The following MKLN1 variants were observed in gnomAD, a reference collection of about 807,000 sequenced individuals.
MKLN1 encodes muskelin 1.
Under a neutral mutation model 99.0 loss-of-function variants are expected in MKLN1, and 18 were observed. The ratio of observed to expected loss-of-function variants is 0.18; its 90% CI spans 0.13 to 0.27. The LOEUF (loss-of-function observed/expected upper bound fraction) is 0.27. Ranked by LOEUF, MKLN1 falls within the 10% of genes least tolerant of loss-of-function variation. MKLN1 has a pLI of 1.00. For synonymous variants in MKLN1, 288 were observed against 293.2 expected (o/e 0.98, Z 0.18); for missense variants, 621 against 875.9 (o/e 0.71, Z 3.67).
intron 16 of MKLN1, chr7:131,471,293 T>C (rs969143867): frequency 3.5e-5 from 6 of 173,436 alleles, no homozygotes; most frequent in African/African-American, 1.4e-4. Flanking sequence ...TAAACTTTTC[T>C]GTGGATAGTT....
At position 131,233,662 on chromosome 7, in the gene MKLN1, G is replaced by A. The variant is rs6962609; in HGVS notation, c.-179+30688G>A. Among the ~76,000 whole-genome samples, 311 of 151,702 alleles carry A rather than the reference G, an allele frequency of 2.1e-3. 1 individual carries two copies. Among genetic ancestry groups the A allele is most frequent in the African/African-American group, 7.1e-3 (296 of 41,506 alleles). On this transcript the variant is annotated intron_variant, in intron 3 of 7. Transcript: ENST00000416992. ...ATATGAGGTATAAAATGGTTTACTC[G>A]TAGAATTATTAAATATTTAAAATTA... is the stretch of plus-strand genomic sequence containing the variant.
intron 2 of MKLN1, among the ~76,000 whole-genome samples, chr7:131,379,850 A>G (rs996813980): frequency 1.3e-5 from 2 of 152,332 alleles, no homozygotes; most frequent in East Asian, 3.9e-4. Context: ...TGTGCCCACA[A>G]AATTTTTTTT....
chr7:131,117,744 A>C (rs1227514440), intron 1 of MKLN1, among the ~76,000 whole-genome samples: 14 of 152,252 alleles, frequency 9.2e-5, no homozygotes, highest in Admixed American at 9.2e-4. Flanking sequence ...GGTTCCTGTG[A>C]GAGATCATGG....
intron 2 of MKLN1, among the ~76,000 whole-genome samples, chr7:131,155,587 T>C (rs539619946): frequency 9.5e-4 from 145 of 152,286 alleles, no homozygotes; most frequent in Non-Finnish European, 1.6e-3. Flanking sequence ...TAACTAACTT[T>C]GTAAACACTA....
intron 8 of MKLN1, among the ~76,000 whole-genome samples, chr7:131,416,491 C>T (rs1584718643): frequency 6.7e-6 from 1 of 149,348 alleles, no homozygotes; most frequent in East Asian, 2.0e-4. Context: ...GAAATACTTA[C>T]AATAAAGTTA....
intron 2 of MKLN1, among the ~76,000 whole-genome samples, chr7:131,380,450 AAATAC>A (rs1240130564): frequency 6.6e-6 from 1 of 152,234 alleles, no homozygotes; most frequent in Non-Finnish European, 1.5e-5. Flanking sequence ...AAAAAATGAA[AAATAC>A]AATACCCAAA....
chr7:131,353,157 A>G (rs1372581794), intron 1 of MKLN1, among the ~76,000 whole-genome samples: 4 of 152,140 alleles, frequency 2.6e-5, no homozygotes, highest in African/African-American at 9.7e-5. Context: ...GCTGGATTGT[A>G]GTGGTTAGTT....
chr7:131,231,095 G>A (rs899756324), intron 3 of MKLN1, among the ~76,000 whole-genome samples: 2 of 129,764 alleles, frequency 1.5e-5, no homozygotes, highest in Admixed American at 1.9e-4. Flanking sequence ...ACTCCAGCCT[G>A]GGTGACAGAG....
At chr7:131,387,624 GATTA>G (rs1312354856) in intron 3 of MKLN1, among the ~76,000 whole-genome samples, 6 of 152,170 alleles carry the variant, frequency 3.9e-5, no homozygotes, top group African/African-American at 1.4e-4. Flanking sequence ...AAAACACTAA[GATTA>G]ATTGCCCTAA....
chr7:131,356,039 A>G (rs958270462), intron 1 of MKLN1, among the ~76,000 whole-genome samples: 29 of 150,032 alleles, frequency 1.9e-4, no homozygotes, highest in African/African-American at 7.1e-4. Flanking sequence ...GAGAGTTTGT[A>G]TATACCTCCC....
At chr7:131,445,644 C>A in intron 11 of MKLN1, 130 bp from the exon 12 acceptor site, 1 of 638,376 alleles carries the variant, frequency 1.6e-6, no homozygotes, top group Non-Finnish European at 2.5e-6. Context: ...CCCTTTTATT[C>A]CAGCATAGTA....
At chr7:131,316,310 T>C (rs1478835723) in intron 3 of MKLN1, among the ~76,000 whole-genome samples, 6 of 152,170 alleles carry the variant, frequency 3.9e-5, no homozygotes, top group Admixed American at 6.5e-5. Flanking sequence ...CCCAGGCAAA[T>C]AGGGTCTAGA....
Position 131,489,311 on chromosome 7 carries a change from A to G in MKLN1, c.*1583A>G, listed in dbSNP as rs906224466. ...GCTCCTTGGCTTTCCTAGCATCCCA[A>G]AGCAGTCAACAGTGATTTCTTAAGC... On this transcript the variant is annotated 3_prime_UTR_variant, in exon 18 of 18. Coordinates refer to ENST00000352689, the MANE Select transcript of MKLN1 (RefSeq NM_013255.5). 2 of 152,134 alleles carry G rather than the reference A, an allele frequency of 1.3e-5. No individual in the cohort carries two copies. Among genetic ancestry groups the G allele is most frequent in the Non-Finnish European group, 2.9e-5 (2 of 68,014 alleles). The allele number at this position is 152,134 out of a possible 1,614,324, so 9.4% of individuals were successfully genotyped here. A position where few individuals can be genotyped will look rare whatever the true frequency, so the allele number is the denominator to read the frequency against.
At chr7:131,126,063 T>C (rs1795453701) in intron 1 of MKLN1, among the ~76,000 whole-genome samples, 1 of 141,824 alleles carries the variant, frequency 7.1e-6, no homozygotes, top group African/African-American at 2.6e-5. Flanking sequence ...AATTAATTAA[T>C]AAATAAAAAT....
chr7:131,164,992 C>T (rs1563237357), intron 2 of MKLN1, among the ~76,000 whole-genome samples: 1 of 152,008 alleles, frequency 6.6e-6, no homozygotes, highest in Non-Finnish European at 1.5e-5. Context: ...AGTATATTCA[C>T]AAAATGATAG....
chr7:131,323,582 C>T (rs1413993831), upstream of MKLN1: 2 of 152,172 alleles, frequency 1.3e-5, no homozygotes, highest in South Asian at 2.1e-4. Context: ...CCAGATACTA[C>T]AAGACAGTAC....
chr7:131,382,924 C>A (rs1490382073), intron 2 of MKLN1, among the ~76,000 whole-genome samples: 1 of 152,074 alleles, frequency 6.6e-6, no homozygotes, highest in Non-Finnish European at 1.5e-5. Context: ...AGGGTTTCAC[C>A]GTGTTAGCTA....
At position 131,173,457 on chromosome 7, in the gene MKLN1, G is replaced by A. The variant is rs541210111; in HGVS notation, c.-296-29400G>A. Among the ~76,000 whole-genome samples, 10 of 152,282 alleles carry A rather than the reference G, an allele frequency of 6.6e-5. No individual in the cohort carries two copies. In the South Asian group the frequency reaches 1.9e-3, roughly 28 times the overall value. On this transcript the variant is annotated intron_variant, in intron 2 of 7. Coordinates refer to the MKLN1 transcript ENST00000416992. Reference sequence around the variant, plus strand: ...GTCTTGGCCGGGCGTGGTGGCTCACGCCCATAATCCTAGCACTTTGGGAGG... The same window carrying A: ...GTCTTGGCCGGGCGTGGTGGCTCACACCCATAATCCTAGCACTTTGGGAGG...
chr7:131,435,883 ATTTATC>A (rs1217114242), intron 9 of MKLN1, among the ~76,000 whole-genome samples: 2 of 151,124 alleles, frequency 1.3e-5, no homozygotes, highest in African/African-American at 2.4e-5. Context: ...TATTCTATTG[ATTTATC>A]TTTATTTCTT....
Sources: gnomAD v4.1 joint callset for allele counts (sites outside exome capture counted in the v4.1 genomes callset) on GRCh38, gnomAD v4.1.1 for gene constraint, MANE v1.5 for transcripts, NCBI Gene and HGNC (gene_info 2026-07-23, HGNC 2026-07-21) for gene names.